Variants in ZCCHC7 observed in about 807,000 individuals in gnomAD.
ZCCHC7 encodes the protein zinc finger CCHC domain-containing protein 7.
Under a neutral mutation model 52.0 loss-of-function variants are expected in ZCCHC7, and 35 were observed. The ratio of observed to expected loss-of-function variants is 0.67; its 90% CI spans 0.51 to 0.89. The LOEUF (loss-of-function observed/expected upper bound fraction) is 0.89. Ranked by LOEUF, ZCCHC7 falls within the 40% of genes least tolerant of loss-of-function variation. The pLI, the probability that ZCCHC7 is intolerant of heterozygous loss-of-function variation, is 0.00. For missense variants in ZCCHC7, 574 were observed against 649.1 expected (o/e 0.88, Z 1.26); for synonymous variants, 217 against 221.5 (o/e 0.98, Z 0.18).
At chr9:37,337,411 C>G (rs944237740) in intron 6 of ZCCHC7, among the ~76,000 whole-genome samples, 6 of 118,536 alleles carry the variant, frequency 5.1e-5, no homozygotes, top group Admixed American at 8.6e-5. Flanking sequence ...ACCCCCCCCC[C>G]CCCCAAAAAA....
chr9:37,342,773 T>C (rs1275765487), intron 6 of ZCCHC7, among the ~76,000 whole-genome samples: 1 of 152,254 alleles, frequency 6.6e-6, no homozygotes, highest in African/African-American at 2.4e-5. Context: ...CTTACTGTTA[T>C]TATTCCCGTT....
At chr9:37,261,421 C>T (rs1418069980) in intron 2 of ZCCHC7, among the ~76,000 whole-genome samples, 1 of 152,210 alleles carries the variant, frequency 6.6e-6, no homozygotes, top group Non-Finnish European at 1.5e-5. Context: ...CTTCAATGAA[C>T]TAGAATTGGA....
chr9:37,258,742 C>T (rs1200763718), intron 2 of ZCCHC7, among the ~76,000 whole-genome samples: 4 of 107,122 alleles, frequency 3.7e-5, no homozygotes, highest in Non-Finnish European at 6.7e-5. Context: ...GGTGAGAGAG[C>T]GAGATCCTGT....
At chr9:37,150,151 T>C (rs577270552) in intron 2 of ZCCHC7, among the ~76,000 whole-genome samples, 51 of 152,206 alleles carry the variant, frequency 3.4e-4, no homozygotes, top group Non-Finnish European at 6.5e-4. Flanking sequence ...TCTTTTTAGG[T>C]TTTTAATCAG....
At chr9:37,192,833 T>C (rs942209427) in intron 2 of ZCCHC7, among the ~76,000 whole-genome samples, 14 of 138,140 alleles carry the variant, frequency 1.0e-4, no homozygotes, top group African/African-American at 4.6e-4. Context: ...AAAAAAACTT[T>C]ACACAAAATG....
At chr9:37,276,779 TAG>T (rs1564219837) in intron 2 of ZCCHC7, among the ~76,000 whole-genome samples, 1 of 152,214 alleles carries the variant, frequency 6.6e-6, no homozygotes, top group Non-Finnish European at 1.5e-5. Context: ...TTCTCTGATG[TAG>T]AGGATTTACA....
intron 5 of ZCCHC7, among the ~76,000 whole-genome samples, chr9:37,316,399 G>T (rs1218849659): frequency 6.7e-6 from 1 of 148,170 alleles, no homozygotes; most frequent in African/African-American, 2.5e-5. Flanking sequence ...CAATGAAAGG[G>T]TCTTTTAATG....
chr9:37,213,365 A>T (rs927219380), intron 2 of ZCCHC7, among the ~76,000 whole-genome samples: 1 of 152,196 alleles, frequency 6.6e-6, no homozygotes, highest in Non-Finnish European at 1.5e-5. Context: ...GTTCCACAGG[A>T]TGAATAAAGA....
At chr9:37,128,918 CT>C (rs1318700784) in intron 2 of ZCCHC7, among the ~76,000 whole-genome samples, 1 of 152,140 alleles carries the variant, frequency 6.6e-6, no homozygotes, top group Non-Finnish European at 1.5e-5. Context: ...TTAGCTTATT[CT>C]TTCTCTAAAT....
chr9:37,146,310 G>T (rs1033561112), intron 2 of ZCCHC7, among the ~76,000 whole-genome samples: 1 of 151,816 alleles, frequency 6.6e-6, no homozygotes, highest in Non-Finnish European at 1.5e-5. Flanking sequence ...CAGGCATAAT[G>T]AATGGATGGC....
intron 5 of ZCCHC7, among the ~76,000 whole-genome samples, chr9:37,317,849 C>A (rs1001853735): frequency 7.9e-5 from 12 of 151,454 alleles, no homozygotes; most frequent in African/African-American, 2.9e-4. Flanking sequence ...CCCGACCCCC[C>A]CCAAAAAAGC....
intron 3 of ZCCHC7, among the ~76,000 whole-genome samples, chr9:37,303,849 G>A (rs1034539306): frequency 6.6e-6 from 1 of 151,712 alleles, no homozygotes; most frequent in Non-Finnish European, 1.5e-5. Flanking sequence ...TTTTAGTAGA[G>A]ATGGGGTTTC....
At chr9:37,169,480 C>T (rs574091206) in intron 2 of ZCCHC7, among the ~76,000 whole-genome samples, 1 of 152,286 alleles carries the variant, frequency 6.6e-6, no homozygotes, top group African/African-American at 2.4e-5. Flanking sequence ...CGTGCGCCAG[C>T]TTCTCTGACC....
intron 2 of ZCCHC7, among the ~76,000 whole-genome samples, chr9:37,150,987 C>T (rs1488527499): frequency 6.5e-4 from 89 of 137,504 alleles, no homozygotes; most frequent in Non-Finnish European, 6.8e-4. Flanking sequence ...TTTTTTGAGA[C>T]GGAGTCTTGC....
chr9:37,166,178 C>T (rs1048968850), intron 2 of ZCCHC7, among the ~76,000 whole-genome samples: 38 of 151,920 alleles, frequency 2.5e-4, no homozygotes, highest in Middle Eastern at 3.4e-3. Flanking sequence ...GGGCGGATCA[C>T]GAGGTCAGGA....
chr9:37,333,631 T>A (rs1198829773), intron 6 of ZCCHC7, among the ~76,000 whole-genome samples: 1 of 151,736 alleles, frequency 6.6e-6, no homozygotes, highest in Non-Finnish European at 1.5e-5. Context: ...CTTTTTTTTA[T>A]TACCCTTTCC....
chr9:37,310,622 T>C lies in ZCCHC7; in HGVS notation c.951+4908T>C, dbSNP rs139038245. 7.5e-4 allele frequency among the ~76,000 whole-genome samples: 114 copies of C among 152,302 alleles called. 1 individual carries two copies. The highest frequency in any genetic ancestry group is 8.5e-4 in the Non-Finnish European group (58 of 68,018). On this transcript the variant is annotated intron_variant, in intron 5 of 8. Transcript: ENST00000336755. ...AAAATGATGCTATACTTTATGACTA[T>C]GTGGAGAAAGCTTACATATTGGCAA...
rs1291393930 is a variant in ZCCHC7, at chr9:37,244,588, A to G, written c.611-57600A>G. 2.6e-5 allele frequency among the ~76,000 whole-genome samples: 4 copies of G among 151,946 alleles called. No homozygotes were observed. In the South Asian group the frequency reaches 6.2e-4, roughly 24 times the overall value. On this transcript the variant is annotated intron_variant, in intron 2 of 8. Transcript: ENST00000336755. Reference sequence around the variant, plus strand: ...AATCTTCATGTATTAAGAGAGGGTGAATAATAATGAATTATTTTTGCCAAG... The same window carrying G: ...AATCTTCATGTATTAAGAGAGGGTGGATAATAATGAATTATTTTTGCCAAG...
At chr9:37,122,781 A>C (rs1842369746) in intron 1 of ZCCHC7, among the ~76,000 whole-genome samples, 1 of 152,188 alleles carries the variant, frequency 6.6e-6, no homozygotes, top group South Asian at 2.1e-4. Flanking sequence ...TGCTAAGAAT[A>C]CAAAAATTAC....
Sources: allele counts gnomAD v4.1 joint callset (sites outside exome capture counted in the v4.1 genomes callset), GRCh38; gene constraint gnomAD v4.1.1; transcripts MANE v1.5; gene names NCBI Gene and HGNC (gene_info 2026-07-23, HGNC 2026-07-21).